Variants in LTBP2 observed in about 807,000 individuals in gnomAD.
LTBP2 encodes the protein latent transforming growth factor beta binding protein 2.
Under a neutral mutation model 210.6 loss-of-function variants are expected in LTBP2, and 103 were observed. The ratio of observed to expected loss-of-function variants is 0.49; its 90% CI spans 0.42 to 0.58. The LOEUF (loss-of-function observed/expected upper bound fraction) is 0.58, where lower values mean the gene tolerates loss of function less well. Among genes scored for constraint, LTBP2 ranks in the 20% least tolerant of loss-of-function variants. The pLI, the probability that LTBP2 is intolerant of heterozygous loss-of-function variation, is 0.00. For synonymous variants in LTBP2, 1,007 were observed against 1,015.0 expected, an observed-to-expected ratio of 0.99 and a Z score of 0.15; for missense variants, 2,313 against 2,494.5, an observed-to-expected ratio of 0.93 and a Z score of 1.55.
chr14:74,524,411 C>G (rs766781716), intron 15 of LTBP2, among the ~76,000 whole-genome samples: 4 of 152,042 alleles, frequency 2.6e-5, no homozygotes, highest in Non-Finnish European at 5.9e-5. Context: ...CACCCTCACC[C>G]CCAACACAAG....
intron 10 of LTBP2, among the ~76,000 whole-genome samples, chr14:74,530,807 G>GCC (rs2087340229): frequency 6.6e-6 from 1 of 152,232 alleles, no homozygotes; most frequent in South Asian, 2.1e-4. Context: ...GAGGCACGGG[G>GCC]CCCAGCCCCA....
intron 2 of LTBP2, among the ~76,000 whole-genome samples, chr14:74,598,680 A>G (rs1051328963): frequency 6.6e-6 from 1 of 152,146 alleles, no homozygotes; most frequent in African/African-American, 2.4e-5. Flanking sequence ...ATCCCAGTTT[A>G]CAGAAGAGGC....
Position 74,502,590 on chromosome 14 carries a change from G to T in LTBP2, c.5170+63C>A, listed in dbSNP as rs1270488643. On this transcript the variant is annotated intron_variant, in intron 34 of 35. Coordinates refer to ENST00000261978, the MANE Select transcript of LTBP2 (RefSeq NM_000428.3). ...CTGCTGGCAATATGACTAGCAGGTG[G>T]AGGAGATGGAAGTGAAACAGCTTTG... The T allele has an allele frequency of 8.7e-6, 14 of 1,605,984 alleles. No homozygotes were observed. The Admixed American group carries it at 2.3e-4, about 27-fold the overall frequency.
At chr14:74,509,112 C>T (rs968448166) in intron 22 of LTBP2, 126 bp downstream of exon 22, 44 of 1,574,076 alleles carry the variant, frequency 2.8e-5, no homozygotes, top group Middle Eastern at 1.7e-4. Flanking sequence ...AGCTTGTGAG[C>T]GACTCTTGGG....
Position 74,502,918 on chromosome 14 carries a change from C to G in LTBP2, c.4905G>C (p.Leu1635=), listed in dbSNP as rs144520047. Residue 1635 remains leucine, a synonymous_variant, in exon 34 of 36, where the codon CTG becomes CTC. Coordinates refer to ENST00000261978, the MANE Select transcript of LTBP2 (RefSeq NM_000428.3). ...PPRSSEVYAQ[L]CNVARIEAER... is the part of the protein sequence containing the mutation. ...CTGCCTCAATGCGAGCCACGTTGCA[C>G]AGCTGAGCATAGACCTCTGTCAGGG... 362 of 1,612,242 alleles carry G rather than the reference C, an allele frequency of 2.2e-4. 2 individuals are homozygous for G. In the African/African-American group the frequency reaches 4.4e-3, roughly 20 times the overall value.
chr14:74,548,075 C>T (rs946070869), intron 8 of LTBP2, among the ~76,000 whole-genome samples: 1 of 151,916 alleles, frequency 6.6e-6, no homozygotes, highest in African/African-American at 2.4e-5. Context: ...CTGGAAGTCA[C>T]CTCCTCTGAG....
At position 74,504,762 on chromosome 14, in the gene LTBP2, G is replaced by C; in HGVS notation, c.4453+16C>G. 2 of 1,613,468 alleles carry C rather than the reference G, an allele frequency of 1.2e-6. No individual in the cohort carries two copies. Among genetic ancestry groups the C allele is most frequent in the Non-Finnish European group, 8.5e-7 (1 of 1,179,420 alleles). ...CTCAGGTGAAGGAGTTTGGGGCAGA[G>C]GATGGAGCAGATTACCTGTGTACAT... On this transcript the variant is annotated intron_variant, in intron 30 of 35. Coordinates refer to ENST00000261978, the MANE Select transcript of LTBP2 (RefSeq NM_000428.3).
intron 1 of LTBP2, among the ~76,000 whole-genome samples, chr14:74,604,009 C>G (rs749779258): frequency 6.6e-6 from 1 of 152,010 alleles, no homozygotes; most frequent in Non-Finnish European, 1.5e-5. Flanking sequence ...AGGCAGTCCA[C>G]TGGGGCAACA....
At chr14:74,503,151 A>T (rs2086933762) in intron 33 of LTBP2, 68 bp downstream of exon 33, 1 of 1,593,978 alleles carries the variant, frequency 6.3e-7, no homozygotes, top group African/African-American at 1.3e-5. Flanking sequence ...CCCAGTTCCA[A>T]GGTGAGGGCA....
Position 74,529,097 on chromosome 14 carries a change from C to T in LTBP2, c.2013G>A (p.Gln671=), listed in dbSNP as rs1427138410. ...CVSDKAISML[Q]GLCYRSLGPG... ...GCCCCAGCGACCGGTAGCACAGTCC[C>T]TGCAGCATGGAGATTGCCTTGTCCG... The change falls in exon 11 of 36, where the codon CAG becomes CAA. Residue 671 remains glutamine (Q), a synonymous_variant. Transcript: ENST00000261978. 1 of 1,552,616 alleles carries T rather than the reference C, an allele frequency of 6.4e-7. No homozygotes were observed. The highest frequency in any genetic ancestry group is 8.7e-7 in the Non-Finnish European group (1 of 1,147,884).
At chr14:74,589,911 A>AGT (rs2088258399) in intron 2 of LTBP2, among the ~76,000 whole-genome samples, 1 of 152,194 alleles carries the variant, frequency 6.6e-6, no homozygotes, top group South Asian at 2.1e-4. Context: ...TCCACCTCTG[A>AGT]GTGTGTGGTC....
At chr14:74,595,220 T>C (rs1246465186) in intron 2 of LTBP2, among the ~76,000 whole-genome samples, 1 of 152,184 alleles carries the variant, frequency 6.6e-6, no homozygotes, top group Non-Finnish European at 1.5e-5. Flanking sequence ...TGGACCGCCC[T>C]GTTAATTGCA....
chr14:74,504,694 A>T, intron 30 of LTBP2, 84 bp downstream of exon 30: 1 of 1,378,804 alleles, frequency 7.3e-7, no homozygotes. Context: ...GGCTGGATGC[A>T]GAACTTCCCC....
At chr14:74,550,272 A>G (rs543632990) in intron 7 of LTBP2, among the ~76,000 whole-genome samples, 3 of 152,272 alleles carry the variant, frequency 2.0e-5, no homozygotes, top group African/African-American at 7.2e-5. Flanking sequence ...GTCCTAAAGG[A>G]AGAGCTTCCT....
chr14:74,543,646 C>T lies in LTBP2; in HGVS notation c.1789+6217G>A, dbSNP rs544132142. 2.2e-4 allele frequency among the ~76,000 whole-genome samples: 34 copies of T among 152,052 alleles called. No individual in the cohort carries two copies. In the South Asian group the frequency reaches 6.9e-3, roughly 31 times the overall value. Reference sequence around the variant, plus strand: ...GGGTGAATTTGGGCAGGTTACACAACCTCTTTGAGGCTGGGTCTTCTTATC... The same window carrying T: ...GGGTGAATTTGGGCAGGTTACACAATCTCTTTGAGGCTGGGTCTTCTTATC... On this transcript the variant is annotated intron_variant, in intron 8 of 35. Coordinates refer to ENST00000261978, the MANE Select transcript of LTBP2 (RefSeq NM_000428.3).
chr14:74,600,533 G>A (rs1349341671), intron 2 of LTBP2, among the ~76,000 whole-genome samples: 4 of 152,102 alleles, frequency 2.6e-5, no homozygotes, highest in Non-Finnish European at 4.4e-5. Flanking sequence ...ACTCCAGTTT[G>A]GCAGAGAATA....
intron 8 of LTBP2, among the ~76,000 whole-genome samples, chr14:74,538,204 T>C (rs2087447486): frequency 6.6e-6 from 1 of 152,222 alleles, no homozygotes; most frequent in African/African-American, 2.4e-5. Context: ...ATTTCACCAT[T>C]AGCTGCTCTC....
At chr14:74,529,869 G>A (rs1355370296) in intron 10 of LTBP2, among the ~76,000 whole-genome samples, 4 of 152,192 alleles carry the variant, frequency 2.6e-5, no homozygotes, top group Non-Finnish European at 4.4e-5. Flanking sequence ...TCTGGAATCC[G>A]TAGAGGGCTG....
intron 12 of LTBP2, among the ~76,000 whole-genome samples, chr14:74,528,188 G>A (rs1472998935): frequency 3.3e-5 from 5 of 152,244 alleles, no homozygotes; most frequent in Non-Finnish European, 7.3e-5. Flanking sequence ...ATGGCCAGAG[G>A]GCAGGAGATG....
Sources: gnomAD v4.1 joint callset for allele counts (sites outside exome capture counted in the v4.1 genomes callset) on GRCh38, gnomAD v4.1.1 for gene constraint, MANE v1.5 for transcripts, NCBI Gene and HGNC (gene_info 2026-07-23, HGNC 2026-07-21) for gene names.